Variants in CFAP92 observed in about 807,000 individuals in gnomAD.
CFAP92 encodes cilia and flagella associated protein 92 (putative), also known as uncharacterized protein CFAP92.
A neutral mutation model predicts 106.3 loss-of-function variants in CFAP92; 86 were observed. That is an observed-to-expected ratio of 0.81 (90% CI 0.68 to 0.97). The LOEUF (loss-of-function observed/expected upper bound fraction) is 0.97, where lower values mean the gene tolerates loss of function less well. Ranked by LOEUF, CFAP92 falls within the 50% of genes least tolerant of loss-of-function variation. The pLI is 0.00. For missense variants in CFAP92, 1,204 were observed against 1,283.8 expected, an observed-to-expected ratio of 0.94 and a Z score of 0.95; for synonymous variants, 477 against 506.4, an observed-to-expected ratio of 0.94 and a Z score of 0.78.
chr3:128,936,366 T>G (rs1939023175), intron 10 of CFAP92, among the ~76,000 whole-genome samples: 1 of 152,234 alleles, frequency 6.6e-6, no homozygotes, highest in Non-Finnish European at 1.5e-5. Flanking sequence ...AAAAATATAT[T>G]TAGGATACTA....
chr3:128,999,463 G>A (rs1305942412), intron 1 of CFAP92, among the ~76,000 whole-genome samples: 2 of 151,928 alleles, frequency 1.3e-5, no homozygotes, highest in Non-Finnish European at 2.9e-5. Flanking sequence ...GGGATGGGGG[G>A]TGGGGAGGGT....
At chr3:129,002,975 G>A (rs149208768), upstream of CFAP92, among the ~76,000 whole-genome samples, 153 of 152,280 alleles carry the variant, frequency 1.0e-3, no homozygotes, top group African/African-American at 3.6e-3. Context: ...TTAGCATCTG[G>A]GAGCCGTCGA....
At chr3:128,912,533 A>AT in intron 15 of CFAP92, 1 of 1,613,706 alleles carries the variant, frequency 6.2e-7, no homozygotes, top group Non-Finnish European at 8.5e-7. Context: ...AGATGAGCAG[A>AT]TTAAGAAAGT....
intron 2 of CFAP92, chr3:128,991,790 C>T: frequency 1.0e-6 from 1 of 992,104 alleles, no homozygotes; most frequent in Non-Finnish European, 1.2e-6. Flanking sequence ...AAACTTACAC[C>T]ATCGACAGAA....
At position 129,002,282 on chromosome 3, in the gene CFAP92, C is replaced by T; in HGVS notation, n.117+292G>A. 2 of 1,529,148 alleles carry T rather than the reference C, an allele frequency of 1.3e-6. 1 individual carries two copies. Among genetic ancestry groups the T allele is most frequent in the South Asian group, 2.4e-5 (2 of 83,752 alleles). The allele number at this position is 1,529,148 out of a possible 1,614,324, so 94.7% of individuals were successfully genotyped here. ...TGCGCGAGTTGGTGGAGGACCTGCGCGCCGCGCTGCAGAGCAGTGATGCGC... is the reference window on the plus strand; with the variant it reads ...TGCGCGAGTTGGTGGAGGACCTGCGTGCCGCGCTGCAGAGCAGTGATGCGC... On this transcript the variant is annotated intron_variant and non_coding_transcript_variant, in intron 1 of 4. Coordinates refer to the CFAP92 transcript ENST00000510149.
rs983562371 is a variant in CFAP92, at chr3:128,948,935, T to G, written c.1354-2960A>C. Among the ~76,000 whole-genome samples the G allele has an allele frequency of 5.9e-5, 9 of 152,278 alleles. No homozygotes were observed. The East Asian group carries it at 1.5e-3, about 26-fold the overall frequency. ...AGCAGAAATTTCACCAAATGGGATG[T>G]AAAATGGCAAATAAACACATCAAAA... On this transcript the variant is annotated intron_variant, in intron 9 of 15. Transcript: ENST00000645291.
chr3:129,010,433 A>G, the CFAP92 span, among the ~76,000 whole-genome samples: 1 of 152,094 alleles, frequency 6.6e-6, no homozygotes, highest in Admixed American at 6.5e-5. The surrounding 1 kb of genome is among the most constrained non-coding windows in gnomAD (Gnocchi z 4.3). Context: ...GCTCAGCCGG[A>G]ACAGGGAGGA....
intron 9 of CFAP92, among the ~76,000 whole-genome samples, chr3:128,952,498 C>A (rs1940910414): frequency 6.6e-6 from 1 of 152,022 alleles, no homozygotes; most frequent in South Asian, 2.1e-4. Flanking sequence ...ATGGGAAAAA[C>A]CAATGAACAG....
At chr3:128,929,029 G>C (rs1938028775) in intron 12 of CFAP92, among the ~76,000 whole-genome samples, 1 of 152,152 alleles carries the variant, frequency 6.6e-6, no homozygotes, top group African/African-American at 2.4e-5. Context: ...AAGCCAACGT[G>C]GGAGGACTGC....
chr3:128,951,237 A>G (rs902697781), intron 9 of CFAP92, among the ~76,000 whole-genome samples: 5 of 127,206 alleles, frequency 3.9e-5, no homozygotes, highest in Admixed American at 2.2e-4. Flanking sequence ...TCCATCTCAG[A>G]AAAAAAAAAA....
Position 128,935,293 on chromosome 3 carries a change from T to C in CFAP92, c.2285A>G (p.Tyr762Cys). ...SWIPRSEHRK[Y>C]KVLYNSQLLF... Reference sequence around the variant, plus strand: ...CAGCTGTGAGTTGTACAGCACCTTGTATTTCCTGTGTTCTGACCTGGGAAT... The same window carrying C: ...CAGCTGTGAGTTGTACAGCACCTTGCATTTCCTGTGTTCTGACCTGGGAAT... Residue 762 changes from tyrosine (Y) to cysteine (C), a missense_variant, in exon 11 of 16, where the codon TAC (tyrosine) becomes TGC (cysteine). Transcript: ENST00000645291. 1 of 1,528,010 alleles carries C rather than the reference T, an allele frequency of 6.5e-7. No homozygotes were observed. Among genetic ancestry groups the C allele is most frequent in the South Asian group, 1.2e-5 (1 of 83,302 alleles). 94.7% of individuals were successfully genotyped at this position (1,528,010 alleles called of 1,614,324 possible).
At chr3:129,018,893 TG>T in the CFAP92 span, among the ~76,000 whole-genome samples, 1 of 152,214 alleles carries the variant, frequency 6.6e-6, no homozygotes, top group African/African-American at 2.4e-5. Context: ...CCACCCCAAA[TG>T]TTGTTCTGCG....
the CFAP92 span, among the ~76,000 whole-genome samples, chr3:129,023,382 G>T: frequency 9.3e-4 from 141 of 151,106 alleles, no homozygotes; most frequent in Non-Finnish European, 3.4e-4. Flanking sequence ...AGGCTAGAGC[G>T]CAGTGGTGCG....
intron 12 of CFAP92, among the ~76,000 whole-genome samples, chr3:128,929,604 G>A (rs568190194): frequency 1.2e-4 from 19 of 152,310 alleles, no homozygotes; most frequent in South Asian, 6.2e-4. Flanking sequence ...AGAACACACC[G>A]CTGATATATT....
Position 128,915,579 on chromosome 3 carries a change from G to C in CFAP92, c.2917-16C>G, listed in dbSNP as rs1215821721. The stretch of plus-strand genomic sequence containing the variant: ...TTCTTGGCTCCTAGAAATGGGGGCA[G>C]ACAGGTTGGGGTGGAAGGGCTAATA... On this transcript the variant is annotated splice_polypyrimidine_tract_variant and intron_variant, in intron 13 of 15. Transcript: ENST00000645291. 3 of 1,485,672 alleles carry C rather than the reference G, an allele frequency of 2.0e-6. No homozygotes were observed. The highest frequency in any genetic ancestry group is 4.6e-5 in the Admixed American group (2 of 43,690). 92.0% of individuals were successfully genotyped at this position (1,485,672 alleles called of 1,614,324 possible).
At chr3:128,990,059 C>T (rs1291275775) in intron 2 of CFAP92, among the ~76,000 whole-genome samples, 2 of 152,114 alleles carry the variant, frequency 1.3e-5, no homozygotes, top group Non-Finnish European at 1.5e-5. Context: ...CAAAAATGGA[C>T]GTAAAGAATG....
rs1261549869 is a variant in CFAP92 at position 128,971,400 on chromosome 3, A to G, written c.1055T>C (p.Ile352Thr). Reference sequence around the variant, plus strand: ...CAGGGGCTTCTTATGTCTCCTCTGGATTTTCCTTCTTCCCTCTGAATCTTT... The same window carrying G: ...CAGGGGCTTCTTATGTCTCCTCTGGGTTTTCCTTCTTCCCTCTGAATCTTT... ...KGKDSEGRRK[I>T]QRRHKKPLAE... is the part of the protein sequence containing the mutation. The change falls in exon 8 of 16, where the codon ATC becomes ACC. Residue 352 changes from isoleucine (I) to threonine (T), a missense_variant. Coordinates refer to ENST00000645291, the MANE Select transcript of CFAP92 (RefSeq NM_001394090.1). The G allele has an allele frequency of 6.2e-7, 1 of 1,612,126 alleles. No homozygotes were observed. The highest frequency in any genetic ancestry group is 8.5e-7 in the Non-Finnish European group (1 of 1,179,178).
chr3:129,001,988 C>T (rs1451756235), intron 1 of CFAP92: 6 of 1,545,648 alleles, frequency 3.9e-6, no homozygotes, highest in Non-Finnish European at 5.2e-6. Context: ...TGGCCACGGA[C>T]GGGGACTCAG....
At position 128,993,116 on chromosome 3, in the gene CFAP92, G is replaced by A. The variant is rs1413791184; in HGVS notation, c.189C>T (p.Ser63=). 1 of 1,614,112 alleles carries A rather than the reference G, an allele frequency of 6.2e-7. No homozygotes were observed. Among genetic ancestry groups the A allele is most frequent in the Admixed American group, 1.7e-5 (1 of 60,038 alleles). The change falls in exon 2 of 16, where the codon AGC becomes AGT. Residue 63 remains serine (S), a synonymous_variant. Coordinates refer to ENST00000645291, the MANE Select transcript of CFAP92 (RefSeq NM_001394090.1). The stretch of plus-strand genomic sequence containing the variant: ...CGTGGGGCACGTCGGAGCTGAAAGT[G>A]CTGGCAGGCTCAGATGAGGACTCGA... ...SSIESSSEPA[S]TFSSDVPHVV...
Sources: allele counts gnomAD v4.1 joint callset (sites outside exome capture counted in the v4.1 genomes callset), GRCh38; gene constraint gnomAD v4.1.1; non-coding constraint Gnocchi (gnomAD v3.1); transcripts MANE v1.5; gene names NCBI Gene and HGNC (gene_info 2026-07-23, HGNC 2026-07-21).